Variants in SLC24A2 observed in about 807,000 individuals in gnomAD.
SLC24A2 encodes the protein solute carrier family 24 member 2, also known as sodium/potassium/calcium exchanger 2.
In SLC24A2, 36 loss-of-function variants were observed where a neutral mutation model predicts 62.0. The observed-to-expected ratio is 0.58, with a 90% confidence interval of 0.44 to 0.77. The LOEUF is 0.77. Among genes scored for constraint, SLC24A2 ranks in the 30% least tolerant of loss-of-function variants. SLC24A2 has a pLI of 0.00. For synonymous variants in SLC24A2, 358 were observed against 294.0 expected (o/e 1.22, Z -2.23); for missense variants, 846 against 817.9 (o/e 1.03, Z -0.42).
At chr9:19,897,805 G>A in the SLC24A2 span, among the ~76,000 whole-genome samples, 3 of 152,146 alleles carry the variant, frequency 2.0e-5, no homozygotes, top group African/African-American at 7.2e-5. Flanking sequence ...GGACAAAAGG[G>A]CAAAACTGAG....
chr9:19,531,474 G>C (rs1833704891), intron 8 of SLC24A2, among the ~76,000 whole-genome samples: 1 of 152,174 alleles, frequency 6.6e-6, no homozygotes, highest in Admixed American at 6.5e-5. Flanking sequence ...CCATGTGCTG[G>C]CCATTTTGTG....
the SLC24A2 span, among the ~76,000 whole-genome samples, chr9:20,307,730 A>C: frequency 6.6e-6 from 1 of 152,134 alleles, no homozygotes; most frequent in Non-Finnish European, 1.5e-5. Flanking sequence ...ACTGGAAACC[A>C]AATCTAGGCT....
intron 2 of SLC24A2, among the ~76,000 whole-genome samples, chr9:19,676,621 G>T (rs746142213): frequency 6.6e-6 from 1 of 151,998 alleles, no homozygotes; most frequent in Non-Finnish European, 1.5e-5. Flanking sequence ...TAAAAATTAG[G>T]TAAGTAAGAT....
At chr9:20,210,894 T>C in the SLC24A2 span, among the ~76,000 whole-genome samples, 1 of 152,036 alleles carries the variant, frequency 6.6e-6, no homozygotes, top group African/African-American at 2.4e-5. Context: ...CATGTGATTA[T>C]CATCACAATC....
chr9:20,258,642 A>G, the SLC24A2 span, among the ~76,000 whole-genome samples: 3 of 152,156 alleles, frequency 2.0e-5, no homozygotes, highest in South Asian at 6.2e-4. Context: ...CCTCTGACTA[A>G]TAATTTCACC....
intron 7 of SLC24A2, among the ~76,000 whole-genome samples, chr9:19,552,225 C>T (rs1297759550): frequency 6.6e-6 from 1 of 152,196 alleles, no homozygotes; most frequent in African/African-American, 2.4e-5. Context: ...TTCTATGCCA[C>T]CTCTGTCTCT....
the SLC24A2 span, among the ~76,000 whole-genome samples, chr9:20,226,222 T>C: frequency 1.7e-3 from 260 of 152,144 alleles, no homozygotes; most frequent in Middle Eastern, 6.8e-3. Flanking sequence ...CCACACACCA[T>C]AGTGCCATAA....
the SLC24A2 span, among the ~76,000 whole-genome samples, chr9:20,090,396 C>T: frequency 1.8e-3 from 268 of 152,240 alleles, no homozygotes; most frequent in African/African-American, 6.0e-3. Flanking sequence ...TGCCAAGTTG[C>T]GATCTACAGC....
the SLC24A2 span, among the ~76,000 whole-genome samples, chr9:20,266,919 C>G: frequency 6.6e-6 from 1 of 151,948 alleles, no homozygotes; most frequent in African/African-American, 2.4e-5. Context: ...CTCCACAAAA[C>G]TAAATTAAAA....
chr9:20,064,742 G>T, the SLC24A2 span, among the ~76,000 whole-genome samples: 2 of 152,170 alleles, frequency 1.3e-5, no homozygotes, highest in African/African-American at 2.4e-5. Flanking sequence ...AGCACCCACC[G>T]CTGAAGCTGA....
chr9:19,558,713 C>T (rs1252675736), intron 7 of SLC24A2, among the ~76,000 whole-genome samples: 1 of 152,186 alleles, frequency 6.6e-6, no homozygotes, highest in Non-Finnish European at 1.5e-5. Context: ...GAAGAATATG[C>T]ACAACAAAAA....
the SLC24A2 span, among the ~76,000 whole-genome samples, chr9:19,860,704 G>A: frequency 6.6e-6 from 1 of 152,078 alleles, no homozygotes; most frequent in Non-Finnish European, 1.5e-5. Context: ...GGGCCAGAGG[G>A]GAGCACAGTC....
At chr9:19,530,069 T>C (rs1274004931) in intron 8 of SLC24A2, among the ~76,000 whole-genome samples, 2 of 134,626 alleles carry the variant, frequency 1.5e-5, no homozygotes, top group Non-Finnish European at 3.1e-5. Flanking sequence ...TCTTTACTTA[T>C]AAAAGCAGCT....
intron 4 of SLC24A2, among the ~76,000 whole-genome samples, chr9:19,615,053 C>T (rs1817729590): frequency 1.3e-5 from 2 of 152,152 alleles, no homozygotes; most frequent in South Asian, 2.1e-4. Context: ...AACGCAAACA[C>T]TGCTGGACTC....
the SLC24A2 span, among the ~76,000 whole-genome samples, chr9:20,190,522 C>T: frequency 6.6e-6 from 1 of 152,112 alleles, no homozygotes; most frequent in Admixed American, 6.6e-5. Context: ...ATATATTGTG[C>T]TCATTTATAC....
At chr9:20,034,357 T>C in the SLC24A2 span, among the ~76,000 whole-genome samples, 1 of 152,144 alleles carries the variant, frequency 6.6e-6, no homozygotes, top group Non-Finnish European at 1.5e-5. Context: ...TGGTACTGCA[T>C]TACTTTTGCC....
chr9:19,870,348 A>AT, the SLC24A2 span, among the ~76,000 whole-genome samples: 5 of 152,206 alleles, frequency 3.3e-5, no homozygotes, highest in African/African-American at 1.2e-4. Flanking sequence ...ATGTAACCAC[A>AT]GTATTCCATT....
At chr9:19,816,585 T>C in the SLC24A2 span, among the ~76,000 whole-genome samples, 6 of 152,104 alleles carry the variant, frequency 3.9e-5, no homozygotes, top group Non-Finnish European at 7.4e-5. Context: ...AGAGGTTTAA[T>C]TGGCTCATAG....
At chr9:20,268,648 T>C in the SLC24A2 span, among the ~76,000 whole-genome samples, 5 of 152,188 alleles carry the variant, frequency 3.3e-5, no homozygotes, top group African/African-American at 7.2e-5. Flanking sequence ...CCTCCATAAC[T>C]GTGACAAATA....
Sources: gnomAD v4.1 joint callset for allele counts (sites outside exome capture counted in the v4.1 genomes callset) on GRCh38, gnomAD v4.1.1 for gene constraint, MANE v1.5 for transcripts, NCBI Gene and HGNC (gene_info 2026-07-23, HGNC 2026-07-21) for gene names.